The following DMD variants were observed in gnomAD, a reference collection of about 807,000 sequenced individuals.
DMD encodes the protein mutant dystrophin.
In DMD, 63 loss-of-function variants were observed where a neutral mutation model predicts 330.1. The ratio of observed to expected loss-of-function variants is 0.19; its 90% CI spans 0.16 to 0.24. The LOEUF (loss-of-function observed/expected upper bound fraction) is 0.24. DMD is among the 10% of genes least tolerant of loss of function. The pLI is 1.00. For missense variants in DMD, 3,344 were observed against 2,684.1 expected, an observed-to-expected ratio of 1.25 and a Z score of -5.43; for synonymous variants, 1,223 against 959.8, an observed-to-expected ratio of 1.27 and a Z score of -5.07.
intron 44 of DMD, among the ~76,000 whole-genome samples, chrX:32,169,153 C>T (rs2096878507): frequency 9.0e-6 from 1 of 111,604 alleles, no homozygotes; most frequent in African/African-American, 3.3e-5. Flanking sequence ...GCAATGGTAC[C>T]AAGAGTTACA....
intron 53 of DMD, among the ~76,000 whole-genome samples, chrX:31,675,653 G>A (rs2082037313): frequency 9.0e-6 from 1 of 111,395 alleles, no homozygotes; most frequent in South Asian, 3.8e-4. Flanking sequence ...GAGCCACCGC[G>A]CCCGGCCTCA....
At chrX:32,737,633 G>T (rs1184213252) in intron 7 of DMD, among the ~76,000 whole-genome samples, 1 of 111,936 alleles carries the variant, frequency 8.9e-6, no homozygotes, top group Non-Finnish European at 1.9e-5. Flanking sequence ...GTGGCAGAAA[G>T]ATAATACTGC....
At chrX:32,011,743 T>C (rs746058880) in intron 44 of DMD, among the ~76,000 whole-genome samples, 12 of 111,314 alleles carry the variant, frequency 1.1e-4, no homozygotes, top group Non-Finnish European at 1.9e-4. Context: ...GCCCCAGCCA[T>C]AAGTGAGAAC....
At chrX:32,030,337 C>T (rs2095874218) in intron 44 of DMD, among the ~76,000 whole-genome samples, 1 of 111,975 alleles carries the variant, frequency 8.9e-6, no homozygotes, top group Admixed American at 9.5e-5. Flanking sequence ...TTATTCATTC[C>T]TCCTCCATTC....
intron 9 of DMD, among the ~76,000 whole-genome samples, chrX:32,669,540 G>A (rs1053697589): frequency 4.5e-5 from 5 of 111,269 alleles, no homozygotes; most frequent in South Asian, 3.8e-4. Context: ...TTTTCTCTGT[G>A]AAATTTCATG....
chrX:31,693,608 G>A (rs764663898), intron 52 of DMD, among the ~76,000 whole-genome samples: 1 of 111,503 alleles, frequency 9.0e-6, no homozygotes, highest in African/African-American at 3.2e-5. Context: ...AAAATCAGTA[G>A]CGATAACAAT....
intron 60 of DMD, among the ~76,000 whole-genome samples, chrX:31,438,190 A>G (rs981468918): frequency 9.0e-6 from 1 of 111,516 alleles, no homozygotes; most frequent in Non-Finnish European, 1.9e-5. Flanking sequence ...CCTCCAACAC[A>G]GAGTTTTTGG....
At chrX:31,279,171 T>C (rs1472475060) in intron 62 of DMD, among the ~76,000 whole-genome samples, 2 of 112,245 alleles carry the variant, frequency 1.8e-5, no homozygotes, top group Non-Finnish European at 3.8e-5. Flanking sequence ...TCAGTATTTC[T>C]TATATTTTTA....
intron 49 of DMD, among the ~76,000 whole-genome samples, chrX:31,821,501 A>G (rs1445750374): frequency 8.9e-6 from 1 of 112,094 alleles, no homozygotes; most frequent in East Asian, 2.8e-4. Flanking sequence ...CCGAGCAGAG[A>G]AAAGCTACCA....
intron 45 of DMD, among the ~76,000 whole-genome samples, chrX:31,961,751 T>TG (rs928276998): frequency 7.4e-5 from 7 of 94,191 alleles, no homozygotes; most frequent in African/African-American, 3.3e-4. Flanking sequence ...TTTTTTTTTT[T>TG]TTTTGTCTTG....
chrX:31,323,035 G>A (rs73466365), intron 62 of DMD, among the ~76,000 whole-genome samples: 5,711 of 111,546 alleles, frequency 0.051, 343 homozygotes, highest in African/African-American at 0.17. Flanking sequence ...CCAAGCACTC[G>A]TATTCTTTTG....
At chrX:31,857,030 G>T (rs943122036) in intron 48 of DMD, among the ~76,000 whole-genome samples, 1 of 111,317 alleles carries the variant, frequency 9.0e-6, no homozygotes, top group African/African-American at 3.3e-5. Flanking sequence ...ATACATTATT[G>T]TGAGTGCTTC....
At chrX:32,488,656 G>A (rs928981293) in intron 20 of DMD, among the ~76,000 whole-genome samples, 4 of 111,421 alleles carry the variant, frequency 3.6e-5, no homozygotes, top group Non-Finnish European at 5.7e-5. Flanking sequence ...AGGTGACAAC[G>A]GAATTTGGAT....
chrX:31,727,803 A>G (rs2086178073), intron 52 of DMD, among the ~76,000 whole-genome samples: 1 of 112,458 alleles, frequency 8.9e-6, no homozygotes, highest in Non-Finnish European at 1.9e-5. Context: ...CAAAACCAAG[A>G]ACAGCCTATT....
chrX:31,801,583 C>A (rs1235155609), intron 50 of DMD, among the ~76,000 whole-genome samples: 1 of 75,565 alleles, frequency 1.3e-5, no homozygotes, highest in Non-Finnish European at 2.6e-5. Flanking sequence ...GTCCTCATCC[C>A]CCCCCCCCAA....
intron 52 of DMD, among the ~76,000 whole-genome samples, chrX:31,693,770 T>C (rs73457877): frequency 0.021 from 2,353 of 111,314 alleles, 66 homozygotes; most frequent in African/African-American, 0.072. Context: ...ACGAAAGAAA[T>C]TGAAGATGAC....
intron 1 of DMD, among the ~76,000 whole-genome samples, chrX:33,281,915 G>A (rs1338798688): frequency 9.2e-6 from 1 of 108,380 alleles, no homozygotes; most frequent in Non-Finnish European, 1.9e-5. Flanking sequence ...GGTGCTGCTA[G>A]GTAGAGTAGG....
intron 23 of DMD, among the ~76,000 whole-genome samples, chrX:32,465,820 G>A (rs868744193): frequency 9.1e-6 from 1 of 110,434 alleles, no homozygotes; most frequent in Non-Finnish European, 1.9e-5. Context: ...TCTTGACCTC[G>A]TGATCTACCT....
chrX:32,571,602 A>T (rs887944557), intron 15 of DMD, among the ~76,000 whole-genome samples: 15 of 112,085 alleles, frequency 1.3e-4, no homozygotes, highest in African/African-American at 4.2e-4. Context: ...ACTAGTCATG[A>T]ACCATTTTCT....
Sources: allele counts gnomAD v4.1 joint callset (sites outside exome capture counted in the v4.1 genomes callset), GRCh38; gene constraint gnomAD v4.1.1; transcripts MANE v1.5; gene names NCBI Gene and HGNC (gene_info 2026-07-23, HGNC 2026-07-21).